Variants in RPH3A observed in about 807,000 individuals in gnomAD.
The protein encoded by RPH3A is rabphilin-3A.
In RPH3A, 48 loss-of-function variants were observed where a neutral mutation model predicts 102.2. The ratio of observed to expected loss-of-function variants is 0.47; its 90% CI spans 0.37 to 0.60. The LOEUF (loss-of-function observed/expected upper bound fraction) is 0.60. Ranked by LOEUF, RPH3A falls within the 20% of genes least tolerant of loss-of-function variation. The probability of loss-of-function intolerance (pLI) is 0.00; values close to 1 mark genes in which losing one functional copy is unlikely to be tolerated. For missense variants in RPH3A, 781 were observed against 910.1 expected (o/e 0.86, Z 1.83); for synonymous variants, 310 against 324.3 (o/e 0.96, Z 0.47).
intron 1 of RPH3A, among the ~76,000 whole-genome samples, chr12:112,714,663 C>G (rs1048579576): frequency 6.6e-6 from 1 of 152,052 alleles, no homozygotes; most frequent in Non-Finnish European, 1.5e-5. Flanking sequence ...GTAAAGAGAG[C>G]CTTTAAATTA....
chr12:112,890,886 A>C lies in RPH3A; in HGVS notation c.1658A>C (p.Lys553Thr). The change falls in exon 19 of 22, where the codon AAG becomes ACG. Residue 553 changes from lysine (K) to threonine (T), a missense_variant. Coordinates refer to ENST00000389385, the MANE Select transcript of RPH3A (RefSeq NM_001143854.2). Reference protein sequence around the residue: ...ERVGDIEERGKILVSLMYSTQ... With the variant: ...ERVGDIEERGTILVSLMYSTQ... ...GTTGGTGACATCGAGGAGCGTGGCA[A>C]GATCCTGGTCTCCCTCATGTACAGC... 6.2e-7 allele frequency: 1 copy of C among 1,614,034 alleles called. No individual in the cohort carries two copies.
chr12:112,820,496 A>C (rs2041758713), intron 2 of RPH3A, among the ~76,000 whole-genome samples: 1 of 152,176 alleles, frequency 6.6e-6, no homozygotes, highest in Non-Finnish European at 1.5e-5. Flanking sequence ...TTAGTCTTCT[A>C]AGCCTCGGTA....
chr12:112,591,188 T>C (rs1371249144), intron 1 of RPH3A, among the ~76,000 whole-genome samples: 1 of 151,434 alleles, frequency 6.6e-6, no homozygotes, highest in Non-Finnish European at 1.5e-5. Flanking sequence ...CTGGGCTCAA[T>C]GATCCTCCCA....
intron 1 of RPH3A, among the ~76,000 whole-genome samples, chr12:112,615,537 T>A (rs114909747): frequency 0.015 from 2,324 of 152,286 alleles, 60 homozygotes; most frequent in African/African-American, 0.054. Flanking sequence ...GACCCACTCA[T>A]ACCAGGGTGC....
intron 1 of RPH3A, among the ~76,000 whole-genome samples, chr12:112,774,341 A>G (rs1237694758): frequency 1.3e-5 from 2 of 152,196 alleles, no homozygotes; most frequent in African/African-American, 4.8e-5. Context: ...CACATAATGT[A>G]TTATGCTGAT....
At position 112,881,831 on chromosome 12, in the gene RPH3A, G is replaced by A; in HGVS notation, c.1311G>A (p.Leu437=). 1 of 1,611,920 alleles carries A rather than the reference G, an allele frequency of 6.2e-7. No homozygotes were observed. Among genetic ancestry groups the A allele is most frequent in the Non-Finnish European group, 8.5e-7 (1 of 1,178,744 alleles). The change falls in exon 15 of 22, where the codon CTG becomes CTA. Residue 437 remains leucine, a synonymous_variant. Transcript: ENST00000389385. Reference sequence around the variant, plus strand: ...ATCCCTACGTTAAGCTGCACCTCCTGCCGGGAGCCAGCAAGGTACCATATG... The same window carrying A: ...ATCCCTACGTTAAGCTGCACCTCCTACCGGGAGCCAGCAAGGTACCATATG... The part of the protein sequence containing the change: ...LADPYVKLHL[L]PGASKSNKLR...
rs571844472 is a variant in RPH3A, at chr12:112,854,854, A to G, written c.230+7012A>G. ...CCACTTTATCCTATTGCTTTTGGAG[A>G]GTACAGGTGGGAAAGGCAATTGATG... On this transcript the variant is annotated intron_variant, in intron 5 of 21. Transcript: ENST00000389385. Among the ~76,000 whole-genome samples the G allele has an allele frequency of 6.6e-5, 10 of 152,342 alleles. No homozygotes were observed. The East Asian group carries it at 1.9e-3, about 29-fold the overall frequency.
intron 2 of RPH3A, among the ~76,000 whole-genome samples, chr12:112,793,939 T>A (rs2041177275): frequency 1.3e-5 from 2 of 152,128 alleles, no homozygotes; most frequent in Non-Finnish European, 2.9e-5. Flanking sequence ...AATATTTATA[T>A]TTTATTTTAA....
chr12:112,883,591 A>G (rs1009617391), intron 16 of RPH3A, among the ~76,000 whole-genome samples, 189 bp downstream of exon 16: 1 of 151,906 alleles, frequency 6.6e-6, no homozygotes, highest in Non-Finnish European at 1.5e-5. Flanking sequence ...AAATACAGAT[A>G]AGTTGAAACT....
chr12:112,867,184 T>C (rs1408543899), intron 7 of RPH3A, among the ~76,000 whole-genome samples: 1 of 152,146 alleles, frequency 6.6e-6, no homozygotes, highest in African/African-American at 2.4e-5. Flanking sequence ...CTCCTCTTGT[T>C]TGAGCCCTTT....
intron 1 of RPH3A, among the ~76,000 whole-genome samples, chr12:112,713,050 TC>T (rs1565857482): frequency 5.9e-5 from 4 of 67,500 alleles, no homozygotes; most frequent in East Asian, 7.2e-4. Context: ...CTTCTTCTTC[TC>T]CTTCTTCTTC....
intron 1 of RPH3A, among the ~76,000 whole-genome samples, chr12:112,695,648 G>T (rs1399292888): frequency 6.6e-6 from 1 of 152,224 alleles, no homozygotes; most frequent in Non-Finnish European, 1.5e-5. Context: ...GCAGGTAGGG[G>T]TATCCCCATT....
intron 1 of RPH3A, among the ~76,000 whole-genome samples, chr12:112,760,783 C>A (rs2040849688): frequency 6.6e-6 from 1 of 152,180 alleles, no homozygotes; most frequent in African/African-American, 2.4e-5. Flanking sequence ...CATCAGTCTC[C>A]ATTCTCTGCG....
At chr12:112,872,183 C>A (rs1273237866) in intron 10 of RPH3A, among the ~76,000 whole-genome samples, 1 of 152,186 alleles carries the variant, frequency 6.6e-6, no homozygotes, top group African/African-American at 2.4e-5. Flanking sequence ...GTTCTCATTT[C>A]TCCATGTCCT....
At chr12:112,644,086 C>A (rs562446037) in intron 1 of RPH3A, among the ~76,000 whole-genome samples, 3 of 152,146 alleles carry the variant, frequency 2.0e-5, no homozygotes. Flanking sequence ...TAAGTGGGAG[C>A]TAAATAATGT....
At chr12:112,670,525 A>G (rs1196602238) in intron 1 of RPH3A, among the ~76,000 whole-genome samples, 1 of 152,182 alleles carries the variant, frequency 6.6e-6, no homozygotes, top group Non-Finnish European at 1.5e-5. Context: ...TATGTAGCAG[A>G]CCACCCAAAG....
chr12:112,827,082 A>T (rs1329299749), intron 2 of RPH3A, among the ~76,000 whole-genome samples: 1 of 152,144 alleles, frequency 6.6e-6, no homozygotes, highest in Non-Finnish European at 1.5e-5. Flanking sequence ...GATATAACTC[A>T]CAGATAATAT....
intron 1 of RPH3A, among the ~76,000 whole-genome samples, chr12:112,631,119 G>A (rs1010759329): frequency 2.3e-4 from 35 of 152,154 alleles, no homozygotes; most frequent in African/African-American, 7.5e-4. Context: ...GATGGCAGCT[G>A]TACCCTTGTC....
At chr12:112,777,213 G>A (rs940343551) in intron 1 of RPH3A, among the ~76,000 whole-genome samples, 6 of 152,138 alleles carry the variant, frequency 3.9e-5, no homozygotes, top group African/African-American at 1.4e-4. Flanking sequence ...CAGTGATTTC[G>A]AGTCAGGTTT....
Sources: gnomAD v4.1 joint callset for allele counts (sites outside exome capture counted in the v4.1 genomes callset) on GRCh38, gnomAD v4.1.1 for gene constraint, MANE v1.5 for transcripts, NCBI Gene and HGNC (gene_info 2026-07-23, HGNC 2026-07-21) for gene names.